The following EXD3 variants were observed in gnomAD, a reference collection of about 807,000 sequenced individuals.
EXD3 encodes the protein exonuclease 3'-5' domain containing 3.
In EXD3, 92 loss-of-function variants were observed where a neutral mutation model predicts 98.0. The observed-to-expected ratio is 0.94, with a 90% confidence interval of 0.79 to 1.12. The LOEUF (loss-of-function observed/expected upper bound fraction) is 1.12. EXD3 is among the 50% of genes most tolerant of loss of function. The probability of loss-of-function intolerance (pLI) is 0.00; values close to 1 mark genes in which losing one functional copy is unlikely to be tolerated. For synonymous variants in EXD3, 569 were observed against 526.0 expected (o/e 1.08, Z -1.12); for missense variants, 1,222 against 1,191.6 (o/e 1.03, Z -0.38).
chr9:137,349,442 T>C lies in EXD3; in HGVS notation c.1584A>G (p.Thr528=), dbSNP rs761815746. The C allele has an allele frequency of 2.5e-6, 4 of 1,601,970 alleles. No homozygotes were observed. The East Asian group carries it at 8.9e-5, about 36-fold the overall frequency. ...LSLLVQQVLG[T]ALDKTQQLSN... is the part of the protein sequence containing the mutation. ...ACAGCTGCTGCGTCTTGTCCAGGGC[T>C]GTGCCCAGCACCTGCTGCACCAGGA... The change falls in exon 15 of 22, where the codon ACA becomes ACG. Residue 528 remains threonine (T), a synonymous_variant. Coordinates refer to ENST00000340951, the MANE Select transcript of EXD3 (RefSeq NM_017820.5). This position sits in a 1 kb window ranked among gnomAD's most constrained non-coding sequence, Gnocchi z 7.4.
At position 137,309,692 on chromosome 9, in the gene EXD3, GTTACAGGCCT is replaced by G; in HGVS notation, c.2185-2_2192del. The G allele has an allele frequency of 6.4e-7, 1 of 1,554,206 alleles. No individual in the cohort carries two copies. The highest frequency in any genetic ancestry group is 2.4e-5 in the East Asian group (1 of 41,292). ...TGGAGACCTTTAGGTACTGGTCACA[GTTACAGGCCT>G]GGGGGCCAGAGGGGGTGCTGAGGCC... On this transcript the variant is annotated splice_acceptor_variant and coding_sequence_variant, in exon 20 of 22. Transcript: ENST00000340951. LOFTEE classifies it high-confidence loss of function.
At position 137,307,363 on chromosome 9, in the gene EXD3, G is replaced by A. The variant is rs866618556; in HGVS notation, c.2318-100C>T. The A allele has an allele frequency of 2.5e-5, 36 of 1,421,004 alleles. No homozygotes were observed. In the Middle Eastern group the frequency reaches 1.0e-3, roughly 41 times the overall value. 88.0% of individuals were successfully genotyped at this position (1,421,004 alleles called of 1,614,324 possible). A position where few individuals can be genotyped will look rare whatever the true frequency, so the allele number is the denominator to read the frequency against. ...AGTTGGCGGCCCACGCTGAGCCCAC[G>A]CTCACTCCTCAGCAGCTCCTCTTTC... On this transcript the variant is annotated intron_variant, in intron 21 of 21. Transcript: ENST00000340951.
At chr9:137,319,960 C>A (rs1831940231) in intron 19 of EXD3, among the ~76,000 whole-genome samples, 1 of 152,248 alleles carries the variant, frequency 6.6e-6, no homozygotes, top group Non-Finnish European at 1.5e-5. Context: ...GGGCTCCGAC[C>A]TGAGGCCGCA....
chr9:137,319,664 G>C (rs1040491563), intron 19 of EXD3, among the ~76,000 whole-genome samples: 5 of 152,192 alleles, frequency 3.3e-5, no homozygotes, highest in African/African-American at 1.2e-4. Context: ...AGGCGGGTGC[G>C]CACATGGGAC....
chr9:137,335,063 C>T (rs981711747), intron 17 of EXD3, among the ~76,000 whole-genome samples: 7 of 149,722 alleles, frequency 4.7e-5, no homozygotes, highest in South Asian at 2.1e-4. Context: ...GGTGACAGAG[C>T]GAGACTCTGT....
In EXD3 at chr9:137,355,656, AGGAGGAAGGAGAAAGGGAGGAT is replaced by A. The variant is rs1564509011; in HGVS notation, c.757+590_757+611del. 3.4e-3 allele frequency among the ~76,000 whole-genome samples: 266 copies of A among 77,724 alleles called. 2 individuals are homozygous for A. The highest frequency in any genetic ancestry group is 5.6e-3 in the East Asian group (9 of 1,618). 51.0% of individuals were successfully genotyped at this position (77,724 alleles called of 152,430 possible). A position where few individuals can be genotyped will look rare whatever the true frequency, so the allele number is the denominator to read the frequency against. On this transcript the variant is annotated intron_variant, in intron 8 of 21. Transcript: ENST00000340951. ...AGGAAGGAGGAAGGAGGAAGGAGGA[AGGAGGAAGGAGAAAGGGAGGAT>A]GGAGGAAGGAGAAAGGGAGGAAGGA...
intron 5 of EXD3, among the ~76,000 whole-genome samples, chr9:137,370,142 C>A (rs1185026513): frequency 6.6e-6 from 1 of 152,142 alleles, no homozygotes; most frequent in Non-Finnish European, 1.5e-5. Flanking sequence ...TGGCTAGTAG[C>A]AGACCCACCC....
chr9:137,406,495 CA>C (rs1837720885), intron 1 of EXD3, among the ~76,000 whole-genome samples: 1 of 152,056 alleles, frequency 6.6e-6, no homozygotes, highest in South Asian at 2.1e-4. Flanking sequence ...TGTCTTGTCC[CA>C]AACGGCAGAG....
intron 17 of EXD3, among the ~76,000 whole-genome samples, chr9:137,330,368 C>CGGG (rs1832974153): frequency 7.0e-6 from 1 of 142,838 alleles, no homozygotes; most frequent in African/African-American, 2.7e-5. Context: ...AGGAGCTACA[C>CGGG]AGGAGCTACA....
At chr9:137,315,412 G>T (rs1292609594) in intron 19 of EXD3, among the ~76,000 whole-genome samples, 1 of 152,218 alleles carries the variant, frequency 6.6e-6, no homozygotes, top group Non-Finnish European at 1.5e-5. Flanking sequence ...ACGCGTGTGG[G>T]CCTGACCCGC....
intron 18 of EXD3, 92 bp downstream of exon 18, chr9:137,323,998 G>A (rs1227979425): frequency 9.1e-6 from 14 of 1,530,872 alleles, no homozygotes; most frequent in African/African-American, 5.5e-5. Flanking sequence ...TCGGCCCCAC[G>A]GCAAGCTGAC....
intron 1 of EXD3, among the ~76,000 whole-genome samples, chr9:137,402,460 T>C (rs1837521115): frequency 6.6e-6 from 1 of 152,258 alleles, no homozygotes; most frequent in Non-Finnish European, 1.5e-5. Context: ...CCAGTCTCTT[T>C]GCTAAAAGAT....
chr9:137,314,525 G>A (rs967796313), intron 19 of EXD3, among the ~76,000 whole-genome samples: 3 of 152,050 alleles, frequency 2.0e-5, no homozygotes, highest in South Asian at 2.1e-4. Flanking sequence ...AGTGACCCCC[G>A]CCCTAAGGCC....
intron 1 of EXD3, among the ~76,000 whole-genome samples, chr9:137,408,930 T>TA (rs1466084537): frequency 6.6e-6 from 1 of 152,180 alleles, no homozygotes; most frequent in Non-Finnish European, 1.5e-5. Context: ...GATGAACTTG[T>TA]ACAAGGCCCC....
intron 6 of EXD3, 101 bp downstream of exon 6, chr9:137,367,835 T>C (rs1835349084): frequency 7.6e-6 from 9 of 1,186,578 alleles, no homozygotes; most frequent in Non-Finnish European, 1.1e-5. Context: ...TGTCCCCCAC[T>C]GTGGCTTGGT....
intron 17 of EXD3, among the ~76,000 whole-genome samples, chr9:137,328,758 G>A (rs1328454654): frequency 2.6e-5 from 1 of 38,160 alleles, no homozygotes. Flanking sequence ...GGGACTACAC[G>A]GGACTACACG....
chr9:137,421,484 G>A (rs906822423), intron 1 of EXD3, among the ~76,000 whole-genome samples: 7 of 152,170 alleles, frequency 4.6e-5, no homozygotes, highest in African/African-American at 1.7e-4. Context: ...CCTGATCATT[G>A]TATTTTTTAT....
chr9:137,383,181 G>C (rs946305259), intron 3 of EXD3, 132 bp downstream of exon 3: 4 of 750,720 alleles, frequency 5.3e-6, no homozygotes, highest in Non-Finnish European at 4.5e-6. Context: ...GGCAGCAGCT[G>C]TGCAGGACCC....
intron 17 of EXD3, among the ~76,000 whole-genome samples, chr9:137,339,542 A>G (rs575980005): frequency 1.3e-3 from 191 of 151,770 alleles, no homozygotes; most frequent in Non-Finnish European, 2.1e-3. Flanking sequence ...TCCGCAATGT[A>G]TTAAGAAGGG....
Sources: gnomAD v4.1 joint callset for allele counts (sites outside exome capture counted in the v4.1 genomes callset) on GRCh38, gnomAD v4.1.1 for gene constraint, Gnocchi (gnomAD v3.1) non-coding constraint, MANE v1.5 for transcripts, NCBI Gene and HGNC (gene_info 2026-07-23, HGNC 2026-07-21) for gene names.